The following ZNF611 variants were observed in gnomAD, a reference collection of about 807,000 sequenced individuals.
ZNF611 encodes zinc finger protein 611.
ZNF611 carries 6 observed loss-of-function variants against 8.9 expected under a neutral mutation model. The observed-to-expected ratio is 0.68, with a 90% CI of 0.37 to 1.34. The LOEUF is 1.34. Among genes scored for constraint, ZNF611 ranks in the 40% most tolerant of loss-of-function variants. ZNF611 has a pLI of 0.02. For missense variants in ZNF611, 874 were observed against 841.3 expected (o/e 1.04, Z -0.48); for synonymous variants, 262 against 279.7 (o/e 0.94, Z 0.63).
At chr19:52,717,361 A>T (rs1336358542) in intron 3 of ZNF611, among the ~76,000 whole-genome samples, 1 of 152,190 alleles carries the variant, frequency 6.6e-6, no homozygotes, top group Non-Finnish European at 1.5e-5. Flanking sequence ...AGGACCTAGA[A>T]AAGAAAGGCT....
At chr19:52,720,328 A>G (rs977167668) in intron 3 of ZNF611, among the ~76,000 whole-genome samples, 2 of 152,196 alleles carry the variant, frequency 1.3e-5, no homozygotes, top group African/African-American at 4.8e-5. Context: ...AAGATTGCAC[A>G]GCGGCCAGGC....
At chr19:52,713,560 C>CA (rs1425048715) in intron 5 of ZNF611, among the ~76,000 whole-genome samples, 1 of 152,156 alleles carries the variant, frequency 6.6e-6, no homozygotes, top group Non-Finnish European at 1.5e-5. Flanking sequence ...TGAACATTGT[C>CA]ACAGTGCCAG....
chr19:52,718,272 G>A (rs187910888), intron 3 of ZNF611, among the ~76,000 whole-genome samples: 20 of 152,224 alleles, frequency 1.3e-4, no homozygotes, highest in African/African-American at 3.6e-4. Flanking sequence ...CCCAGGAGAT[G>A]AAGGTTGCAG....
chr19:52,714,735 G>C (rs74978686), intron 4 of ZNF611, among the ~76,000 whole-genome samples: 26,027 of 46,480 alleles, frequency 0.56, 10,503 homozygotes, highest in African/African-American at 0.82. Flanking sequence ...GGCAGTGACT[G>C]TCACCTGTAA....
chr19:52,728,875 G>A (rs10853854), intron 2 of ZNF611, 44 bp from the exon 3 acceptor site: 59,521 of 166,670 alleles, frequency 0.36, 11,073 homozygotes, highest in African/African-American at 0.46. Flanking sequence ...AAGTCCAGAC[G>A]GTAAATCATA....
At position 52,714,698 on chromosome 19, in the gene ZNF611, ACAAAAC is replaced by A. The variant is rs2062304029; in HGVS notation, c.64-563_64-558del. ...CTGACACTCCATCTCAAAAAACAAA[ACAAAAC>A]AAAACAAAAAAACAATGCCGGGCAG... On this transcript the variant is annotated intron_variant, in intron 4 of 5. Transcript: ENST00000652185. 2.8e-5 allele frequency among the ~76,000 whole-genome samples: 2 copies of A among 71,042 alleles called. 1 individual carries two copies. Among genetic ancestry groups the A allele is most frequent in the Non-Finnish European group, 5.2e-5 (2 of 38,492 alleles). The allele number at this position is 71,042 out of a possible 152,430, so 46.6% of individuals were successfully genotyped here. A position where few individuals can be genotyped will look rare whatever the true frequency, so the allele number is the denominator to read the frequency against.
chr19:52,713,925 G>C, intron 5 of ZNF611, 90 bp downstream of exon 5: 5 of 1,580,840 alleles, frequency 3.2e-6, no homozygotes, highest in Non-Finnish European at 1.7e-6. Flanking sequence ...ACCCATGTAT[G>C]GGGCAAAATC....
intron 3 of ZNF611, chr19:52,723,679 G>A (rs2062374338): frequency 6.6e-6 from 1 of 152,212 alleles, no homozygotes; most frequent in Admixed American, 6.5e-5. Flanking sequence ...CAGAGGACCA[G>A]CACTCAGCAT....
chr19:52,733,785 C>T (rs903828539), intron 1 of ZNF611, among the ~76,000 whole-genome samples: 1 of 152,010 alleles, frequency 6.6e-6, no homozygotes, highest in Non-Finnish European at 1.5e-5. Context: ...TCTTCCACCT[C>T]TTCTCCTCCA....
rs867374468 is a variant in ZNF611 at position 52,734,536 on chromosome 19, C to A, written c.-222+465G>T. On this transcript the variant is annotated intron_variant, in intron 1 of 5. Coordinates refer to ENST00000652185, the MANE Select transcript of ZNF611 (RefSeq NM_001161499.2). ...CCGGCATGAGGAGGAAGGTGCGGGGCGGGGGGGGGGGGCGCGACGGCGCCT... is the reference window on the plus strand; with the variant it reads ...CCGGCATGAGGAGGAAGGTGCGGGGAGGGGGGGGGGGGCGCGACGGCGCCT... Among the ~76,000 whole-genome samples, 3 of 129,390 alleles carry A rather than the reference C, an allele frequency of 2.3e-5. 1 individual carries two copies. The South Asian group carries it at 7.9e-4, about 34-fold the overall frequency. 84.9% of individuals were successfully genotyped at this position (129,390 alleles called of 152,430 possible). A position where few individuals can be genotyped will look rare whatever the true frequency, so the allele number is the denominator to read the frequency against.
chr19:52,733,648 A>G (rs992324718), intron 1 of ZNF611, among the ~76,000 whole-genome samples: 1 of 151,732 alleles, frequency 6.6e-6, no homozygotes, highest in Non-Finnish European at 1.5e-5. Flanking sequence ...CTAATTCTGT[A>G]CATATCTCTC....
At chr19:52,727,974 A>G (rs954100403) in intron 3 of ZNF611, among the ~76,000 whole-genome samples, 16 of 145,204 alleles carry the variant, frequency 1.1e-4, no homozygotes, top group Non-Finnish European at 2.1e-4. Flanking sequence ...CAGTGGTGCA[A>G]TCTCAGCTCA....
chr19:52,725,795 T>C (rs1243499498), intron 3 of ZNF611, among the ~76,000 whole-genome samples: 2 of 151,964 alleles, frequency 1.3e-5, no homozygotes, highest in African/African-American at 2.4e-5. Flanking sequence ...CAGTCCCGGG[T>C]GGGGCCCCCG....
At chr19:52,722,732 C>T (rs2062367561) in intron 3 of ZNF611, among the ~76,000 whole-genome samples, 1 of 152,118 alleles carries the variant, frequency 6.6e-6, no homozygotes, top group Admixed American at 6.6e-5. Context: ...CAAAGTCCCC[C>T]ACCCTTTTTT....
At chr19:52,712,713 T>C (rs1324103675) in intron 5 of ZNF611, among the ~76,000 whole-genome samples, 4 of 152,002 alleles carry the variant, frequency 2.6e-5, no homozygotes, top group Non-Finnish European at 1.5e-5. Context: ...GGTCTCGAAT[T>C]CCTGACCTCA....
chr19:52,714,281 AT>A lies in ZNF611; in HGVS notation c.64-141del, dbSNP rs1329955740. ...AAAGGATGTTAAGGTATTTTTGAAT[AT>A]TTTTTCCCTATAGTTGCGTTTTATT... On this transcript the variant is annotated intron_variant, in intron 4 of 5. Coordinates refer to ENST00000652185, the MANE Select transcript of ZNF611 (RefSeq NM_001161499.2). 1.1e-5 allele frequency: 16 copies of A among 1,470,152 alleles called. No individual in the cohort carries two copies. In the East Asian group the frequency reaches 3.9e-4, roughly 36 times the overall value. 91.1% of individuals were successfully genotyped at this position (1,470,152 alleles called of 1,614,324 possible). A position where few individuals can be genotyped will look rare whatever the true frequency, so the allele number is the denominator to read the frequency against.
At chr19:52,731,964 TCC>T (rs746557729) in intron 1 of ZNF611, among the ~76,000 whole-genome samples, 6 of 135,152 alleles carry the variant, frequency 4.4e-5, no homozygotes, top group Non-Finnish European at 9.4e-5. Context: ...AGAGCAAAAT[TCC>T]CTCTCAAAAA....
chr19:52,705,098 T>C lies in ZNF611; in HGVS notation c.1957A>G (p.Thr653Ala). The change falls in exon 6 of 6, where the codon ACA (threonine) becomes GCA (alanine). Residue 653 changes from threonine to alanine, a missense_variant. Thr to Ala is a moderately conservative substitution (Grantham distance 58, BLOSUM62 0). Coordinates refer to ENST00000652185, the MANE Select transcript of ZNF611 (RefSeq NM_001161499.2). ...CGCACGAAAGCCTTGTCACAAATTG[T>C]ACATTTGTAAGATTTCTCTCCAGTA... ...LHTGEKSYKC[T>A]ICDKAFVRNS... 6.2e-7 allele frequency: 1 copy of C among 1,614,132 alleles called. No homozygotes were observed. The highest frequency in any genetic ancestry group is 8.5e-7 in the Non-Finnish European group (1 of 1,180,022).
intron 3 of ZNF611, chr19:52,723,964 A>G (rs949958798): frequency 6.6e-6 from 1 of 152,290 alleles, no homozygotes; most frequent in Non-Finnish European, 1.5e-5. Flanking sequence ...TCTCACCTAC[A>G]GCCATAAGGC....
Sources: allele counts gnomAD v4.1 joint callset (sites outside exome capture counted in the v4.1 genomes callset), GRCh38; gene constraint gnomAD v4.1.1; transcripts MANE v1.5; gene names NCBI Gene and HGNC (gene_info 2026-07-23, HGNC 2026-07-21).